The following MARCHF1 variants were observed in gnomAD, a reference collection of about 807,000 sequenced individuals.
The protein encoded by MARCHF1 is E3 ubiquitin-protein ligase MARCHF1.
Under a neutral mutation model 54.2 loss-of-function variants are expected in MARCHF1, and 40 were observed. That is an observed-to-expected ratio of 0.74 (90% CI 0.57 to 0.96). MARCHF1 has a LOEUF of 0.96. MARCHF1 is among the 40% of genes least tolerant of loss of function. The pLI is 0.00. For missense variants in MARCHF1, 586 were observed against 656.5 expected (o/e 0.89, Z 1.17); for synonymous variants, 236 against 236.3 (o/e 1.00, Z 0.01).
At chr4:164,132,359 G>A (rs917868812) in intron 1 of MARCHF1, among the ~76,000 whole-genome samples, 2 of 151,912 alleles carry the variant, frequency 1.3e-5, no homozygotes, top group African/African-American at 2.4e-5. Flanking sequence ...TAGCACTTGG[G>A]ATCATTTAAC....
At chr4:164,037,430 A>G (rs184866251) in intron 2 of MARCHF1, among the ~76,000 whole-genome samples, 3 of 152,338 alleles carry the variant, frequency 2.0e-5, no homozygotes, top group Admixed American at 2.0e-4. Flanking sequence ...ACTGATAAGC[A>G]ATATATTTTA....
chr4:164,114,506 C>A (rs1560911124), intron 1 of MARCHF1, among the ~76,000 whole-genome samples: 1 of 151,440 alleles, frequency 6.6e-6, no homozygotes. Flanking sequence ...CTTTAAATGA[C>A]AGGAATTGTT....
Position 164,157,939 on chromosome 4 carries a change from TG to T in MARCHF1, c.-322-46278del, listed in dbSNP as rs542888986. On this transcript the variant is annotated intron_variant, in intron 1 of 9. Transcript: ENST00000514618. ...ACAACTGCAACAACAGCAACTCCAA[TG>T]GCAATTCCAGCGATGGTTTTCCAAT... Among the ~76,000 whole-genome samples, 4 of 152,256 alleles carry T rather than the reference TG, an allele frequency of 2.6e-5. No homozygotes were observed. The East Asian group carries it at 7.7e-4, about 29-fold the overall frequency.
intron 3 of MARCHF1, among the ~76,000 whole-genome samples, chr4:163,986,249 C>CTTCTTTTTTTTTTTTTT (rs1752864721): frequency 3.5e-5 from 1 of 28,828 alleles, no homozygotes; most frequent in Non-Finnish European, 7.7e-5. Context: ...TTAACCTCTT[C>CTTCTTTTTTTTTTTTTT]TTTTTTTTTT....
intron 5 of MARCHF1, among the ~76,000 whole-genome samples, chr4:163,662,904 C>T (rs10024776): frequency 0.031 from 4,704 of 151,954 alleles, 242 homozygotes; most frequent in African/African-American, 0.11. Flanking sequence ...ACTAAGGATG[C>T]GACTGTCTGC....
chr4:163,962,480 T>C (rs1016033637), intron 3 of MARCHF1, among the ~76,000 whole-genome samples: 4 of 151,936 alleles, frequency 2.6e-5, no homozygotes, highest in Non-Finnish European at 5.9e-5. Context: ...ATTTTTCTTA[T>C]TTAAATGGTG....
intron 2 of MARCHF1, among the ~76,000 whole-genome samples, chr4:164,050,708 G>A (rs922345612): frequency 2.2e-4 from 34 of 152,236 alleles, no homozygotes; most frequent in East Asian, 5.8e-4. Context: ...TAAGGCGGGC[G>A]GATCACCTGA....
intron 4 of MARCHF1, among the ~76,000 whole-genome samples, chr4:163,727,412 A>G (rs2111313645): frequency 6.6e-6 from 1 of 151,028 alleles, no homozygotes; most frequent in South Asian, 2.1e-4. Flanking sequence ...GGTTCACGCC[A>G]TTCTCCTGCC....
intron 4 of MARCHF1, among the ~76,000 whole-genome samples, chr4:163,834,891 T>G (rs1749137238): frequency 6.6e-6 from 1 of 150,990 alleles, no homozygotes; most frequent in South Asian, 2.1e-4. Flanking sequence ...TTCTTGTTTA[T>G]TTTTTTTAGA....
chr4:164,326,235 G>A (rs946696828), intron 1 of MARCHF1, among the ~76,000 whole-genome samples: 5 of 152,168 alleles, frequency 3.3e-5, no homozygotes, highest in African/African-American at 1.2e-4. Context: ...GGGGTTAAAT[G>A]CAATGTAAAA....
chr4:164,345,663 C>A (rs1183440890), intron 1 of MARCHF1, among the ~76,000 whole-genome samples: 2 of 151,296 alleles, frequency 1.3e-5, no homozygotes, highest in African/African-American at 4.9e-5. Context: ...CTGTAGCTAA[C>A]ACATCACGCA....
chr4:164,091,475 C>T (rs1052980416), intron 2 of MARCHF1, among the ~76,000 whole-genome samples: 1 of 147,712 alleles, frequency 6.8e-6, no homozygotes, highest in Non-Finnish European at 1.5e-5. Flanking sequence ...TGTGTGCACT[C>T]AGAAAAGCAA....
At position 163,931,074 on chromosome 4, in the gene MARCHF1, GAA is replaced by G. The variant is rs1751662460; in HGVS notation, c.-39+57425_-39+57426del. On this transcript the variant is annotated intron_variant, in intron 3 of 9. Transcript: ENST00000514618. ...AAGTTTGCTGGCTTTCTAAGAAGAA[GAA>G]AAGAGAAATCTCTTTGTCTCACTAC... Among the ~76,000 whole-genome samples, 7 of 152,210 alleles carry G rather than the reference GAA, an allele frequency of 4.6e-5. No homozygotes were observed. The South Asian group carries it at 1.5e-3, about 32-fold the overall frequency.
intron 4 of MARCHF1, among the ~76,000 whole-genome samples, chr4:163,771,609 A>G (rs968414938): frequency 7.9e-5 from 12 of 152,308 alleles, no homozygotes; most frequent in African/African-American, 1.9e-4. Context: ...TCATGACCTA[A>G]TAACTTCCCA....
chr4:163,563,707 T>C (rs1739549195), intron 8 of MARCHF1, among the ~76,000 whole-genome samples: 1 of 152,152 alleles, frequency 6.6e-6, no homozygotes, highest in Non-Finnish European at 1.5e-5. Context: ...AGAATACCGA[T>C]TTCATGTTTC....
intron 2 of MARCHF1, among the ~76,000 whole-genome samples, chr4:163,992,314 G>A (rs1752983667): frequency 6.6e-6 from 1 of 152,084 alleles, no homozygotes; most frequent in Non-Finnish European, 1.5e-5. Flanking sequence ...TGTAATCAAA[G>A]AGTTCGTTGT....
intron 2 of MARCHF1, among the ~76,000 whole-genome samples, chr4:163,998,055 TCA>T (rs1753113614): frequency 7.4e-5 from 3 of 40,324 alleles, no homozygotes; most frequent in African/African-American, 1.8e-4. Flanking sequence ...TAAGAAAATT[TCA>T]CAGAGAAAAA....
chr4:163,612,930 T>C lies in MARCHF1; in HGVS notation c.351A>G (p.Arg117=), dbSNP rs1436999081. The change falls in exon 7 of 10, where the codon AGA becomes AGG. Residue 117 remains arginine (R), a synonymous_variant. Transcript: ENST00000514618. ...KESGKKSVIQ[R]PRRRRKASER... ...CAGAGGCTTTTCTCCTCCTCCTAGG[T>C]CTTTGTATTACTGATTTCTTACCAG... 1 of 1,535,372 alleles carries C rather than the reference T, an allele frequency of 6.5e-7. No homozygotes were observed.
intron 2 of MARCHF1, among the ~76,000 whole-genome samples, chr4:164,080,022 T>C (rs997878634): frequency 6.6e-6 from 1 of 152,146 alleles, no homozygotes; most frequent in Admixed American, 6.5e-5. Context: ...CTTTAATTAA[T>C]AGAATACAAT....
Sources: allele counts gnomAD v4.1 joint callset (sites outside exome capture counted in the v4.1 genomes callset), GRCh38; gene constraint gnomAD v4.1.1; transcripts MANE v1.5; gene names NCBI Gene and HGNC (gene_info 2026-07-23, HGNC 2026-07-21).